BRF1: variants seen among roughly 807,000 people sequenced by gnomAD.
BRF1 encodes the protein BRF1 general transcription factor IIIB subunit, also known as transcription factor IIIB 90 kDa subunit.
In BRF1, 59 loss-of-function variants were observed where a neutral mutation model predicts 81.7. The ratio of observed to expected loss-of-function variants is 0.72; its 90% confidence interval spans 0.59 to 0.90. BRF1 has a LOEUF of 0.90. Among genes scored for constraint, BRF1 ranks in the 40% least tolerant of loss-of-function variants. BRF1 has a pLI of 0.00. For missense variants in BRF1, 1,050 were observed against 936.3 expected (o/e 1.12, Z -1.58); for synonymous variants, 491 against 395.6 (o/e 1.24, Z -2.86).
intron 14 of BRF1, among the ~76,000 whole-genome samples, 172 bp downstream of exon 14, chr14:105,218,826 C>T (rs759282398): frequency 9.9e-5 from 15 of 152,222 alleles, no homozygotes; most frequent in South Asian, 2.1e-4. Flanking sequence ...CAGCACGGGG[C>T]AGGACCTAGT....
intron 11 of BRF1, 131 bp downstream of exon 11, chr14:105,221,517 C>T (rs1404339190): frequency 2.2e-6 from 3 of 1,333,444 alleles, no homozygotes; most frequent in East Asian, 2.6e-5. Context: ...GTGCCACCAC[C>T]CAAGCCCACC....
chr14:105,275,991 A>G (rs1361426439), intron 2 of BRF1, among the ~76,000 whole-genome samples: 1 of 118,588 alleles, frequency 8.4e-6, no homozygotes, highest in East Asian at 2.4e-4. Context: ...CCCTCACTAG[A>G]GAGCTGGGGA....
rs1004749629 is a variant in BRF1 at position 105,210,238 on chromosome 14, T to C, written c.*313A>G. On this transcript the variant is annotated 3_prime_UTR_variant, in exon 18 of 18. Transcript: ENST00000547530. This position sits in a 1 kb window ranked among gnomAD's most constrained non-coding sequence, Gnocchi z 4.7. ...GGCTGCCCCAAGCCTGTTTCCTTAATAGTAGCAACACCACACTGCCAGCCT... is the reference window on the plus strand; with the variant it reads ...GGCTGCCCCAAGCCTGTTTCCTTAACAGTAGCAACACCACACTGCCAGCCT... The C allele has an allele frequency of 2.4e-5, 10 of 414,860 alleles. No individual in the cohort carries two copies. The highest frequency in any genetic ancestry group is 7.6e-5 in the Admixed American group (2 of 26,298). The allele number at this position is 414,860 out of a possible 1,614,324, so 25.7% of individuals were successfully genotyped here. A position where few individuals can be genotyped will look rare whatever the true frequency, so the allele number is the denominator to read the frequency against.
chr14:105,296,809 TA>T (rs1407094150), intron 1 of BRF1, among the ~76,000 whole-genome samples: 1 of 151,576 alleles, frequency 6.6e-6, no homozygotes, highest in Non-Finnish European at 1.5e-5. Flanking sequence ...AAAACTAAAT[TA>T]AAAAAATTCC....
intron 3 of BRF1, among the ~76,000 whole-genome samples, chr14:105,261,114 G>A (rs929169573): frequency 3.9e-5 from 6 of 152,230 alleles, no homozygotes; most frequent in Non-Finnish European, 5.9e-5. Flanking sequence ...CCCAGGGTGC[G>A]AAAGCCTGGA....
At chr14:105,266,513 T>G (rs2056424692) in intron 3 of BRF1, among the ~76,000 whole-genome samples, 1 of 152,182 alleles carries the variant, frequency 6.6e-6, no homozygotes, top group Non-Finnish European at 1.5e-5. Context: ...CATTGGTGTT[T>G]GATAAAATTC....
Position 105,269,839 on chromosome 14 carries a change from C to T in BRF1, c.439+2882G>A, listed in dbSNP as rs1431943922. ...ACGCTGGGGTCCCAGTGCCGGCCTGCACCCTAGGCCCTGCTCCACAGCAGT... is the reference window on the plus strand; with the variant it reads ...ACGCTGGGGTCCCAGTGCCGGCCTGTACCCTAGGCCCTGCTCCACAGCAGT... On this transcript the variant is annotated intron_variant, in intron 3 of 17. Transcript: ENST00000547530. This position sits in a 1 kb window ranked among gnomAD's most constrained non-coding sequence, Gnocchi z 5.0. 1.3e-5 allele frequency among the ~76,000 whole-genome samples: 2 copies of T among 152,198 alleles called. No homozygotes were observed. The highest frequency in any genetic ancestry group is 6.5e-5 in the Admixed American group (1 of 15,286).
At position 105,312,937 on chromosome 14, in the gene BRF1, G is replaced by T. The variant is rs78592622; in HGVS notation, c.-162+2385C>A. Among the ~76,000 whole-genome samples the T allele has an allele frequency of 4.7e-4, 71 of 152,268 alleles. 1 individual carries two copies. The East Asian group carries it at 0.013, about 28-fold the overall frequency. On this transcript the variant is annotated intron_variant, in intron 1 of 17. Coordinates refer to the BRF1 transcript ENST00000327359. ...GTACAGACTGTGTGGGTCATATCCC[G>T]ACCCCTGGCAGCTGCATAACCTCAC...
chr14:105,245,993 G>A (rs1206498363), intron 5 of BRF1, among the ~76,000 whole-genome samples: 1 of 152,198 alleles, frequency 6.6e-6, no homozygotes, highest in Non-Finnish European at 1.5e-5. Flanking sequence ...CTATAGAATG[G>A]AAGAGACTAT....
intron 5 of BRF1, among the ~76,000 whole-genome samples, chr14:105,245,417 G>A (rs1258033358): frequency 2.0e-5 from 3 of 151,972 alleles, no homozygotes; most frequent in Admixed American, 1.3e-4. Flanking sequence ...TAAAATAACA[G>A]AAAACTAAAA....
chr14:105,227,470 C>CG (rs1893306696), intron 7 of BRF1: 1 of 152,354 alleles, frequency 6.6e-6, no homozygotes, highest in African/African-American at 2.4e-5. Flanking sequence ...CTGTGCTTGT[C>CG]GGATGTTCCT....
chr14:105,228,895 C>T lies in BRF1; in HGVS notation c.713G>A (p.Arg238Lys). 3.7e-6 allele frequency: 6 copies of T among 1,613,736 alleles called. No homozygotes were observed. The highest frequency in any genetic ancestry group is 5.1e-6 in the Non-Finnish European group (6 of 1,180,016). Residue 238 changes from arginine to lysine, a missense_variant, in exon 7 of 18, where the codon AGA becomes AAA. Coordinates refer to ENST00000547530, the MANE Select transcript of BRF1 (RefSeq NM_001519.4). ...LCGAALLVAARMHDFRRTVKE... is the reference protein window; with the variant it reads ...LCGAALLVAAKMHDFRRTVKE... ...CACAGTCCTCCTGAAGTCATGCATT[C>T]TGGCTGCAACCAGGAGCGCTGGAAG...
At chr14:105,225,302 C>A (rs1051063483) in intron 10 of BRF1, among the ~76,000 whole-genome samples, 1 of 152,210 alleles carries the variant, frequency 6.6e-6, no homozygotes, top group Non-Finnish European at 1.5e-5. Context: ...AGCCCCACAA[C>A]CAACCAAATG....
At chr14:105,215,899 A>G (rs1336915683) in intron 15 of BRF1, among the ~76,000 whole-genome samples, 2 of 148,810 alleles carry the variant, frequency 1.3e-5, no homozygotes, top group Admixed American at 6.7e-5. Context: ...AGACACAGGC[A>G]CACACACACT....
rs1223820473 is a variant in BRF1 at position 105,314,844 on chromosome 14, CGCCCGGCCCGCCCGCCGCGCGTCCGCG to C, written c.-162+451_-162+477del. On this transcript the variant is annotated intron_variant, in intron 1 of 17. Transcript: ENST00000327359. The stretch of plus-strand genomic sequence containing the variant: ...TGTGACCGCGCCGCCGCCCTCCGCG[CGCCCGGCCCGCCCGCCGCGCGTCCGCG>C]GCCCGGCCGCAGCCCCAGGCCGCCG... The C allele has an allele frequency of 3.7e-3, 2,262 of 603,250 alleles. 2 individuals carry two copies. The highest frequency in any genetic ancestry group is 4.4e-3 in the Non-Finnish European group (2,152 of 485,466). 37.4% of individuals were successfully genotyped at this position (603,250 alleles called of 1,614,324 possible).
intron 15 of BRF1, among the ~76,000 whole-genome samples, chr14:105,216,705 C>A (rs1891368851): frequency 6.6e-6 from 1 of 152,232 alleles, no homozygotes; most frequent in Non-Finnish European, 1.5e-5. Flanking sequence ...CAACAGGAGG[C>A]CCTGACGGGG....
chr14:105,249,647 T>G, intron 5 of BRF1: 2 of 1,611,346 alleles, frequency 1.2e-6, no homozygotes, highest in Middle Eastern at 1.7e-4. Flanking sequence ...TAGGTACATG[T>G]ACAGTGATGA....
At chr14:105,247,271 C>A (rs1163143624) in intron 5 of BRF1, 3 of 985,276 alleles carry the variant, frequency 3.0e-6, no homozygotes, top group East Asian at 1.1e-4. Flanking sequence ...CTTGGCCGTG[C>A]GGAGTTACGC....
At chr14:105,281,064 A>G (rs376498425) in intron 2 of BRF1, among the ~76,000 whole-genome samples, 9,749 of 68,788 alleles carry the variant, frequency 0.14, 1,175 homozygotes, top group Middle Eastern at 0.18. Context: ...CCCTGAGCCC[A>G]GGTGTGCGGA....
Sources: gnomAD v4.1 joint callset for allele counts (sites outside exome capture counted in the v4.1 genomes callset) on GRCh38, gnomAD v4.1.1 for gene constraint, Gnocchi (gnomAD v3.1) non-coding constraint, MANE v1.5 for transcripts, NCBI Gene and HGNC (gene_info 2026-07-23, HGNC 2026-07-21) for gene names.